RC3H2: variants seen among roughly 807,000 people sequenced by gnomAD.
RC3H2 encodes roquin-2.
In RC3H2, 31 loss-of-function variants were observed where a neutral mutation model predicts 133.3. The observed-to-expected ratio is 0.23, with a 90% CI of 0.17 to 0.31. The LOEUF is 0.31. RC3H2 is among the 10% of genes least tolerant of loss of function. The probability of loss-of-function intolerance (pLI) is 1.00; values close to 1 mark genes in which losing one functional copy is unlikely to be tolerated. For missense variants in RC3H2, 1,175 were observed against 1,437.2 expected (o/e 0.82, Z 2.95); for synonymous variants, 517 against 502.2 (o/e 1.03, Z -0.40).
chr9:122,853,059 A>G (rs1468830809), intron 18 of RC3H2, among the ~76,000 whole-genome samples: 1 of 152,102 alleles, frequency 6.6e-6, no homozygotes, highest in Non-Finnish European at 1.5e-5. Flanking sequence ...CTGCCTTGGG[A>G]TCCTGTTGAT....
chr9:122,897,570 T>C lies in RC3H2; in HGVS notation c.-61A>G, dbSNP rs1832477486. 14 of 1,543,682 alleles carry C rather than the reference T, an allele frequency of 9.1e-6. 1 individual carries two copies. Among genetic ancestry groups the C allele is most frequent in the South Asian group, 6.0e-5 (5 of 83,454 alleles). On this transcript the variant is annotated 5_prime_UTR_variant, in exon 2 of 21. Coordinates refer to ENST00000357244, the MANE Select transcript of RC3H2 (RefSeq NM_001100588.3). ...GATCATTATTTTGCTGTGTAGTGTT[T>C]TGTAAGCTAGAAATGGACAAAAGTA... is the stretch of plus-strand genomic sequence containing the variant.
intron 6 of RC3H2, 90 bp from the exon 7 acceptor site, chr9:122,880,215 G>T: frequency 7.2e-7 from 1 of 1,380,228 alleles, no homozygotes; most frequent in Non-Finnish European, 1.0e-6. Context: ...TATTTAATAC[G>T]TTTTCAAGTG....
At chr9:122,901,460 A>C (rs79330216) in intron 1 of RC3H2, among the ~76,000 whole-genome samples, 2,424 of 152,344 alleles carry the variant, frequency 0.016, 33 homozygotes, top group South Asian at 0.065. Context: ...GCAATTTAAA[A>C]GACTGCTATA....
intron 7 of RC3H2, 37 bp downstream of exon 7, chr9:122,879,956 G>T: frequency 6.2e-7 from 1 of 1,611,936 alleles, no homozygotes; most frequent in Non-Finnish European, 8.5e-7. Context: ...CTCAAAAGTA[G>T]AAAAAAATAT....
At position 122,851,090 on chromosome 9, in the gene RC3H2, T is replaced by C. The variant is rs769160437; in HGVS notation, c.3371A>G (p.His1124Arg). The change falls in exon 20 of 21, where the codon CAT becomes CGT. Residue 1124 changes from histidine (H) to arginine (R), a missense_variant. Physicochemically the swap from His to Arg is conservative, Grantham distance 29 (BLOSUM62 0). Transcript: ENST00000357244. ...TCTGTCTAACACTCACAGAATCACA[T>C]GGTCTTCACCTAAACTCTGTTTCTT... ...KQKKQSLGED[H>R]VILEEQKTIL... 2.6e-5 allele frequency: 42 copies of C among 1,614,030 alleles called. No homozygotes were observed. The highest frequency in any genetic ancestry group is 3.3e-5 in the Admixed American group (2 of 59,988).
At chr9:122,866,393 C>A (rs1189933137) in intron 9 of RC3H2, among the ~76,000 whole-genome samples, 4 of 128,752 alleles carry the variant, frequency 3.1e-5, no homozygotes, top group Non-Finnish European at 4.9e-5. Context: ...CCTCTCCCCA[C>A]GGTCTCCCTC....
intron 18 of RC3H2, among the ~76,000 whole-genome samples, chr9:122,852,660 G>A (rs1805222585): frequency 6.7e-6 from 1 of 149,156 alleles, no homozygotes; most frequent in Admixed American, 6.6e-5. Flanking sequence ...CCGGCCAGCC[G>A]CCCTGTCCGG....
intron 9 of RC3H2, among the ~76,000 whole-genome samples, chr9:122,867,161 G>A (rs1454501949): frequency 3.1e-5 from 4 of 130,578 alleles, no homozygotes; most frequent in Non-Finnish European, 5.0e-5. Flanking sequence ...GAGCCCCTCC[G>A]CCCGGCAGCC....
intron 4 of RC3H2, among the ~76,000 whole-genome samples, chr9:122,884,795 G>C (rs964234701): frequency 6.6e-6 from 1 of 151,570 alleles, no homozygotes; most frequent in Non-Finnish European, 1.5e-5. Context: ...GGAGGTTGCA[G>C]TGAGCCGAGA....
intron 10 of RC3H2, among the ~76,000 whole-genome samples, chr9:122,863,042 C>T (rs757027572): frequency 6.6e-6 from 1 of 152,084 alleles, no homozygotes; most frequent in African/African-American, 2.4e-5. Context: ...ACATTTTCAT[C>T]ATCCCCAAGA....
At chr9:122,880,831 G>T in intron 5 of RC3H2, 37 bp from the exon 6 acceptor site, 2 of 1,486,134 alleles carry the variant, frequency 1.3e-6, no homozygotes, top group East Asian at 2.3e-5. Context: ...GAATTGGTCT[G>T]TGCTTTCTCC....
intron 5 of RC3H2, among the ~76,000 whole-genome samples, chr9:122,882,879 T>C (rs906682647): frequency 6.6e-6 from 1 of 152,224 alleles, no homozygotes; most frequent in Non-Finnish European, 1.5e-5. Context: ...AAGTTTCCAA[T>C]ATAGTCTGAT....
chr9:122,855,673 C>A, intron 14 of RC3H2, 59 bp downstream of exon 14: 2 of 1,537,520 alleles, frequency 1.3e-6, no homozygotes, highest in Non-Finnish European at 1.8e-6. Flanking sequence ...CATTCTACAA[C>A]ATGAGTGAAC....
Position 122,882,094 on chromosome 9 carries a change from A to T in RC3H2, c.759+1110T>A, listed in dbSNP as rs368522951. Among the ~76,000 whole-genome samples, 3 of 152,222 alleles carry T rather than the reference A, an allele frequency of 2.0e-5. No homozygotes were observed. The East Asian group carries it at 5.8e-4, about 29-fold the overall frequency. ...ACAGAGCAAAAGTCTGTTGCTTTAAAAAAAAAATGAAAAGAAGAAATGTTC... is the reference window on the plus strand; with the variant it reads ...ACAGAGCAAAAGTCTGTTGCTTTAATAAAAAAATGAAAAGAAGAAATGTTC... On this transcript the variant is annotated intron_variant, in intron 5 of 20. Coordinates refer to ENST00000357244, the MANE Select transcript of RC3H2 (RefSeq NM_001100588.3).
In RC3H2 at chr9:122,897,495, T is replaced by C. The variant is rs1204012810; in HGVS notation, c.15A>G (p.Ala5=). ...AGGACAGAAATTCTGTCCATTGAGC[T>C]GCCTGCACAGGCATTGTGGAAGCTG... MPVQ[A]AQWTEFLSCP... The change falls in exon 2 of 21, where the codon GCA becomes GCG. Residue 5 remains alanine, a synonymous_variant. Coordinates refer to ENST00000357244, the MANE Select transcript of RC3H2 (RefSeq NM_001100588.3). 1 of 1,613,316 alleles carries C rather than the reference T, an allele frequency of 6.2e-7. No homozygotes were observed. Among genetic ancestry groups the C allele is most frequent in the African/African-American group, 1.3e-5 (1 of 74,926 alleles).
At chr9:122,863,525 A>G (rs115509262) in intron 10 of RC3H2, among the ~76,000 whole-genome samples, 311 of 152,318 alleles carry the variant, frequency 2.0e-3, no homozygotes, top group African/African-American at 7.3e-3. Flanking sequence ...TCCCAGCAAT[A>G]TAAAATTTTC....
rs771406580 is a variant in RC3H2 at position 122,846,982 on chromosome 9, G to A, written c.*2645C>T. 1 of 152,080 alleles carries A rather than the reference G, an allele frequency of 6.6e-6. No homozygotes were observed. The highest frequency in any genetic ancestry group is 6.5e-5 in the Admixed American group (1 of 15,276). 9.4% of individuals were successfully genotyped at this position (152,080 alleles called of 1,614,324 possible). A position where few individuals can be genotyped will look rare whatever the true frequency, so the allele number is the denominator to read the frequency against. On this transcript the variant is annotated 3_prime_UTR_variant, in exon 21 of 21. Coordinates refer to ENST00000357244, the MANE Select transcript of RC3H2 (RefSeq NM_001100588.3). ...CTACATAGAGAATGGATGCAACACA[G>A]AATAATCTCAACACAGAAACAATTC...
chr9:122,851,100 C>T lies in RC3H2; in HGVS notation c.3361G>A (p.Gly1121Ser). 4 of 1,614,138 alleles carry T rather than the reference C, an allele frequency of 2.5e-6. No homozygotes were observed. The South Asian group carries it at 4.4e-5, about 18-fold the overall frequency. ...EPPKQKKQSL[G>S]EDHVILEEQK... ...ACTCACAGAATCACATGGTCTTCAC[C>T]TAAACTCTGTTTCTTCTGCTTTGGT... The change falls in exon 20 of 21, where the codon GGT (glycine) becomes AGT (serine). Residue 1121 changes from glycine to serine, a missense_variant. Physicochemically the swap from Gly to Ser is moderately conservative, Grantham distance 56. This residue lies in a region of RC3H2 where 220 missense variants were observed against 201.1 expected (regional missense o/e 1.09). Transcript: ENST00000357244.
intron 2 of RC3H2, among the ~76,000 whole-genome samples, chr9:122,893,795 G>C (rs1471083058): frequency 6.6e-6 from 1 of 151,890 alleles, no homozygotes; most frequent in African/African-American, 2.4e-5. Flanking sequence ...ATTTACTTAA[G>C]ATAAGCATTA....
Sources: allele counts gnomAD v4.1 joint callset (sites outside exome capture counted in the v4.1 genomes callset), GRCh38; gene constraint gnomAD v4.1.1; regional missense constraint gnomAD v4.1.1; transcripts MANE v1.5; gene names NCBI Gene and HGNC (gene_info 2026-07-23, HGNC 2026-07-21).